SYT14: variants seen among roughly 807,000 people sequenced by gnomAD.
SYT14 encodes synaptotagmin 14, also known as synaptotagmin-14.
Under a neutral mutation model 74.2 loss-of-function variants are expected in SYT14, and 32 were observed. The ratio of observed to expected loss-of-function variants is 0.43; its 90% CI spans 0.33 to 0.58. SYT14 has a LOEUF of 0.58. Among genes scored for constraint, SYT14 ranks in the 20% least tolerant of loss-of-function variants. SYT14 has a pLI of 0.05. For synonymous variants in SYT14, 298 were observed against 337.7 expected, an observed-to-expected ratio of 0.88 and a Z score of 1.29; for missense variants, 791 against 981.8, an observed-to-expected ratio of 0.81 and a Z score of 2.60.
intron 7 of SYT14, among the ~76,000 whole-genome samples, chr1:210,126,805 G>A (rs946754506): frequency 2.6e-5 from 4 of 152,008 alleles, no homozygotes; most frequent in East Asian, 1.9e-4. Flanking sequence ...TTAAATTTTG[G>A]TCCTTTTGGA....
chr1:209,994,804 T>A (rs1191777074), intron 2 of SYT14, among the ~76,000 whole-genome samples: 1 of 152,126 alleles, frequency 6.6e-6, no homozygotes, highest in Non-Finnish European at 1.5e-5. Context: ...AGTAGAAACC[T>A]CACTAGCCAG....
chr1:210,130,538 A>G (rs574502892), intron 7 of SYT14, among the ~76,000 whole-genome samples: 49 of 152,196 alleles, frequency 3.2e-4, no homozygotes, highest in Non-Finnish European at 6.6e-4. Flanking sequence ...GTCATTTAGG[A>G]ATACTGATTT....
chr1:210,160,850 C>T, exon 10 of SYT14: 1 of 1,613,880 alleles, frequency 6.2e-7, no homozygotes, highest in Non-Finnish European at 8.5e-7. Context: ...TTCAAGTGGC[C>T]CTATTTCAGC....
intron 7 of SYT14, among the ~76,000 whole-genome samples, chr1:210,113,465 T>C (rs1376330557): frequency 6.6e-6 from 1 of 151,106 alleles, no homozygotes; most frequent in African/African-American, 2.5e-5. Flanking sequence ...ATGGGTGAAT[T>C]GTAAGGAGAG....
intron 5 of SYT14, among the ~76,000 whole-genome samples, chr1:210,091,693 C>T (rs988691928): frequency 1.3e-5 from 2 of 152,156 alleles, no homozygotes; most frequent in Non-Finnish European, 2.9e-5. Flanking sequence ...CATTCTTTCT[C>T]TTTCATCCTC....
chr1:210,124,709 C>G (rs1305603447), intron 7 of SYT14, among the ~76,000 whole-genome samples: 2 of 152,180 alleles, frequency 1.3e-5, no homozygotes, highest in East Asian at 1.9e-4. Context: ...TCCTTAAATT[C>G]TAAACACAAC....
chr1:210,028,821 A>T (rs2080468088), intron 5 of SYT14, among the ~76,000 whole-genome samples: 1 of 152,044 alleles, frequency 6.6e-6, no homozygotes, highest in African/African-American at 2.4e-5. Context: ...TGGCAATTCT[A>T]TTTTTAATTT....
At chr1:210,164,491 C>T in exon 10 of SYT14, 1 of 159,770 alleles carries the variant, frequency 6.3e-6, no homozygotes, top group Non-Finnish European at 1.4e-5. Context: ...TAAGATAGTA[C>T]CAATAGGAGA....
intron 5 of SYT14, among the ~76,000 whole-genome samples, chr1:210,036,040 T>A (rs1211982729): frequency 6.6e-6 from 1 of 152,096 alleles, no homozygotes; most frequent in African/African-American, 2.4e-5. Flanking sequence ...TCCCTGAGCA[T>A]GGGTTGTCTC....
At chr1:210,162,938 C>G (rs1190592237) in exon 10 of SYT14, 2 of 451,720 alleles carry the variant, frequency 4.4e-6, no homozygotes, top group South Asian at 1.6e-5. Flanking sequence ...CAGGATTTTT[C>G]AAATAAACAA....
chr1:209,997,872 A>G (rs560359579), intron 2 of SYT14, among the ~76,000 whole-genome samples: 3 of 152,272 alleles, frequency 2.0e-5, no homozygotes, highest in East Asian at 1.9e-4. Context: ...TATTTTTTCA[A>G]TTTTAACGGT....
intron 2 of SYT14, among the ~76,000 whole-genome samples, chr1:209,989,723 T>G (rs188294467): frequency 5.8e-4 from 89 of 152,272 alleles, no homozygotes; most frequent in African/African-American, 1.9e-3. Context: ...GGAATTATAG[T>G]ATAGTTATGT....
chr1:210,131,955 C>G (rs1270028431), intron 7 of SYT14, among the ~76,000 whole-genome samples: 1 of 151,748 alleles, frequency 6.6e-6, no homozygotes, highest in Non-Finnish European at 1.5e-5. Context: ...ACCAGGCTGG[C>G]CCTGATGCAG....
intron 7 of SYT14, among the ~76,000 whole-genome samples, chr1:210,115,018 T>G (rs1451109849): frequency 6.6e-6 from 1 of 150,910 alleles, no homozygotes; most frequent in East Asian, 1.9e-4. Flanking sequence ...GAACAGAGAC[T>G]AGGGAGGGAC....
chr1:210,121,237 A>G (rs931581885), intron 7 of SYT14, among the ~76,000 whole-genome samples: 6 of 152,210 alleles, frequency 3.9e-5, no homozygotes, highest in African/African-American at 1.4e-4. Context: ...AACTTGCTAA[A>G]TGCTATTTTT....
intron 5 of SYT14, among the ~76,000 whole-genome samples, chr1:210,070,215 TG>T (rs1315918240): frequency 6.6e-6 from 1 of 152,082 alleles, no homozygotes; most frequent in African/African-American, 2.4e-5. Context: ...TGGGAGCTTA[TG>T]TAGTCTTGCA....
intron 7 of SYT14, among the ~76,000 whole-genome samples, chr1:210,112,853 CAT>C (rs1326432414): frequency 1.3e-5 from 2 of 151,202 alleles, no homozygotes; most frequent in Admixed American, 6.6e-5. Context: ...TAAATATTGA[CAT>C]GTAGTCTTTT....
intron 7 of SYT14, among the ~76,000 whole-genome samples, chr1:210,148,045 AACCC>A (rs1315592613): frequency 1.3e-5 from 2 of 152,146 alleles, no homozygotes; most frequent in Non-Finnish European, 2.9e-5. Context: ...CTCTCACTCC[AACCC>A]ACCAAAATCT....
At chr1:209,990,189 C>T (rs2102833430) in intron 2 of SYT14, among the ~76,000 whole-genome samples, 1 of 151,928 alleles carries the variant, frequency 6.6e-6, no homozygotes, top group Admixed American at 6.6e-5. Flanking sequence ...TGTTTTTGTA[C>T]ATTTTACAAA....
Sources: gnomAD v4.1 joint callset for allele counts (sites outside exome capture counted in the v4.1 genomes callset) on GRCh38, gnomAD v4.1.1 for gene constraint, MANE v1.5 for transcripts, NCBI Gene and HGNC (gene_info 2026-07-23, HGNC 2026-07-21) for gene names.